The following MYO7A variants were observed in gnomAD, a reference collection of about 807,000 sequenced individuals.
MYO7A encodes the protein unconventional myosin-VIIa.
In MYO7A, 210 loss-of-function variants were observed where a neutral mutation model predicts 263.8. That is an observed-to-expected ratio of 0.80 (90% confidence interval 0.71 to 0.89). The LOEUF (loss-of-function observed/expected upper bound fraction) is 0.89. MYO7A is among the 40% of genes least tolerant of loss of function. The pLI is 0.00. For missense variants in MYO7A, 2,820 were observed against 2,968.3 expected (o/e 0.95, Z 1.16); for synonymous variants, 1,239 against 1,197.3 (o/e 1.03, Z -0.72).
At chr11:77,204,567 C>T (rs1490811935) in intron 39 of MYO7A, among the ~76,000 whole-genome samples, 2 of 152,234 alleles carry the variant, frequency 1.3e-5, no homozygotes, top group African/African-American at 4.8e-5. Context: ...AGTGTCCCCT[C>T]CCTGGTGCAG....
At chr11:77,159,407 A>ACCCCC in intron 9 of MYO7A, 40 bp from the exon 10 acceptor site, 48 of 426,896 alleles carry the variant, frequency 1.1e-4, no homozygotes, top group South Asian at 2.3e-4. Flanking sequence ...CCTGTTGCCC[A>ACCCCC]CCCTCCCTCC....
intron 31 of MYO7A, among the ~76,000 whole-genome samples, chr11:77,193,802 G>T (rs932958920): frequency 1.5e-4 from 23 of 152,188 alleles, no homozygotes; most frequent in African/African-American, 5.3e-4. Flanking sequence ...CAGAGAAGGG[G>T]CAAATGCCCA....
chr11:77,168,647 T>C (rs1418534013), intron 15 of MYO7A, among the ~76,000 whole-genome samples: 3 of 152,012 alleles, frequency 2.0e-5, no homozygotes, highest in Non-Finnish European at 2.9e-5. Context: ...AATTTAAAAT[T>C]AGCTGAACAT....
chr11:77,141,031 C>A (rs2135598761), intron 2 of MYO7A, among the ~76,000 whole-genome samples: 2 of 152,330 alleles, frequency 1.3e-5, no homozygotes, highest in African/African-American at 4.8e-5. Context: ...CACAAATACA[C>A]ACTATGGATT....
Position 77,193,007 on chromosome 11 carries a change from G to T in MYO7A, c.4152+729G>T, listed in dbSNP as rs1233541614. ...GATGGTGGAGGTAGTGATGCTGTTG[G>T]TGATGGTGGAGGTAGCGATGGTGTT... On this transcript the variant is annotated intron_variant, in intron 31 of 48. Transcript: ENST00000409709. Among the ~76,000 whole-genome samples, 308 of 134,008 alleles carry T rather than the reference G, an allele frequency of 2.3e-3. 61 individuals carry two copies. Among genetic ancestry groups the T allele is most frequent in the African/African-American group, 9.9e-3 (289 of 29,158 alleles). 87.9% of individuals were successfully genotyped at this position (134,008 alleles called of 152,430 possible).
At chr11:77,206,604 C>T (rs953034776) in intron 41 of MYO7A, among the ~76,000 whole-genome samples, 1 of 152,198 alleles carries the variant, frequency 6.6e-6, no homozygotes, top group African/African-American at 2.4e-5. Flanking sequence ...CCTCAACACC[C>T]CTTCCTCCCT....
intron 1 of MYO7A, among the ~76,000 whole-genome samples, chr11:77,128,876 C>T (rs782778220): frequency 6.6e-6 from 1 of 152,188 alleles, no homozygotes; most frequent in Non-Finnish European, 1.5e-5. Context: ...TCACTTCCTT[C>T]CTCTATGCCC....
At chr11:77,131,354 C>T (rs1555045998) in intron 2 of MYO7A, among the ~76,000 whole-genome samples, 2 of 152,236 alleles carry the variant, frequency 1.3e-5, no homozygotes, top group Admixed American at 6.5e-5. Flanking sequence ...GCCAATGGCT[C>T]AGCCTTGCCT....
At chr11:77,208,568 G>A in intron 43 of MYO7A, 51 bp downstream of exon 43, 2 of 1,574,202 alleles carry the variant, frequency 1.3e-6, no homozygotes, top group Non-Finnish European at 1.7e-6. Context: ...AGGGAAGTGT[G>A]GGCTCGGGGC....
At chr11:77,139,928 C>T (rs1387732528) in intron 2 of MYO7A, among the ~76,000 whole-genome samples, 2 of 152,204 alleles carry the variant, frequency 1.3e-5, no homozygotes, top group Non-Finnish European at 2.9e-5. Context: ...TTCAGAAGTC[C>T]TAAGACCCCA....
intron 33 of MYO7A, 77 bp from the exon 34 acceptor site, chr11:77,198,418 C>T (rs2135668122): frequency 1.3e-6 from 2 of 1,567,146 alleles, no homozygotes; most frequent in Admixed American, 1.8e-5. Flanking sequence ...TTGCCACCTG[C>T]CTGGCCGTTA....
chr11:77,174,917 A>G lies in MYO7A; in HGVS notation c.2094+3A>G. The G allele has an allele frequency of 6.2e-7, 1 of 1,613,208 alleles. No individual in the cohort carries two copies. Among genetic ancestry groups the G allele is most frequent in the Non-Finnish European group, 8.5e-7 (1 of 1,179,514 alleles). On this transcript the variant is annotated splice_donor_region_variant and intron_variant, in intron 17 of 48. Coordinates refer to ENST00000409709, the MANE Select transcript of MYO7A (RefSeq NM_000260.4). ...GTGTGAAGCCGGCCTACAAGCAGGT[A>G]CAGGGCTGAGTGCACAGAGGGCAGG...
At position 77,143,100 on chromosome 11, in the gene MYO7A, G is replaced by A. The variant is rs547496554; in HGVS notation, c.132+278G>A. On this transcript the variant is annotated intron_variant, in intron 3 of 48. Transcript: ENST00000409709. ...GTGTGGTGGGGTTTGAGTGCAGGGG[G>A]AGCAGGCTAGGAGCTCCTCAGACAC... is the stretch of plus-strand genomic sequence containing the variant. Among the ~76,000 whole-genome samples the A allele has an allele frequency of 2.6e-5, 4 of 152,286 alleles. No individual in the cohort carries two copies. The South Asian group carries it at 8.3e-4, about 32-fold the overall frequency.
chr11:77,189,386 C>T lies in MYO7A; in HGVS notation c.3546C>T (p.Asn1182=), dbSNP rs1555090294. 2 of 1,613,844 alleles carry T rather than the reference C, an allele frequency of 1.2e-6. No homozygotes were observed. The change falls in exon 28 of 49, where the codon AAC becomes AAT. Residue 1182 remains asparagine (N), a synonymous_variant. Transcript: ENST00000409709. ...YCQISKQLTH[N]PSKSSYARGW... ...AGATCAGCAAGCAGCTGACCCACAA[C>T]CCCTCCAAGAGCAGCTATGCCCGGG...
chr11:77,156,165 C>A, intron 5 of MYO7A, 74 bp downstream of exon 5: 2 of 1,517,890 alleles, frequency 1.3e-6, no homozygotes, highest in African/African-American at 1.4e-5. Flanking sequence ...CTGCTGATAC[C>A]TCTAGGAATT....
Position 77,158,258 on chromosome 11 carries a change from C to T in MYO7A, c.850-19C>T, listed in dbSNP as rs1555065457. On this transcript the variant is annotated intron_variant, in intron 8 of 48. Transcript: ENST00000409709. ...CACTGACGTCCTCTTGCACCCCACT[C>T]TCCCACCCTGCCCACCAGGGTAACT... 6.3e-7 allele frequency: 1 copy of T among 1,580,040 alleles called. No homozygotes were observed. The highest frequency in any genetic ancestry group is 1.1e-5 in the South Asian group (1 of 87,126).
chr11:77,172,108 C>G (rs1444150288), intron 15 of MYO7A, among the ~76,000 whole-genome samples: 1 of 152,242 alleles, frequency 6.6e-6, no homozygotes, highest in African/African-American at 2.4e-5. Context: ...GCTCCCGCCC[C>G]TCCTCCTCGC....
At chr11:77,134,181 T>C (rs1245635331) in intron 2 of MYO7A, among the ~76,000 whole-genome samples, 1 of 152,224 alleles carries the variant, frequency 6.6e-6, no homozygotes, top group Non-Finnish European at 1.5e-5. Context: ...TCTGCCTGCC[T>C]CAGCCTCCCA....
chr11:77,134,950 A>G (rs1224085124), intron 2 of MYO7A, among the ~76,000 whole-genome samples: 1 of 151,618 alleles, frequency 6.6e-6, no homozygotes, highest in African/African-American at 2.4e-5. Flanking sequence ...ATGCCCAGCT[A>G]ATTTCTGTAT....
Sources: allele counts gnomAD v4.1 joint callset (sites outside exome capture counted in the v4.1 genomes callset), GRCh38; gene constraint gnomAD v4.1.1; transcripts MANE v1.5; gene names NCBI Gene and HGNC (gene_info 2026-07-23, HGNC 2026-07-21).